Variants in ENTPD7 observed in about 807,000 individuals in gnomAD.
ENTPD7 encodes NTPDase 7.
In ENTPD7, 53 loss-of-function variants were observed where a neutral mutation model predicts 77.9. That is an observed-to-expected ratio of 0.68 (90% CI 0.55 to 0.85). The LOEUF (loss-of-function observed/expected upper bound fraction) is 0.85, where lower values mean the gene tolerates loss of function less well. Among genes scored for constraint, ENTPD7 ranks in the 40% least tolerant of loss-of-function variants. The pLI, the probability that ENTPD7 is intolerant of heterozygous loss-of-function variation, is 0.00. For missense variants in ENTPD7, 636 were observed against 743.7 expected, an observed-to-expected ratio of 0.86 and a Z score of 1.68; for synonymous variants, 248 against 274.9, an observed-to-expected ratio of 0.90 and a Z score of 0.97.
rs1285349222 is a variant in ENTPD7 at position 99,659,990 on chromosome 10, C to A, written c.8+26C>A. ...GTAAGGCTGCACACTTTCCCTCCGG[C>A]TGGGAGCACGGCAGAGGATGGCAGG... On this transcript the variant is annotated intron_variant, in intron 2 of 12. Coordinates refer to ENST00000370489, the MANE Select transcript of ENTPD7 (RefSeq NM_020354.5). This position sits in a 1 kb window ranked among gnomAD's most constrained non-coding sequence, Gnocchi z 4.1. 6.2e-7 allele frequency: 1 copy of A among 1,613,648 alleles called. No homozygotes were observed. Among genetic ancestry groups the A allele is most frequent in the Non-Finnish European group, 8.5e-7 (1 of 1,179,920 alleles).
chr10:99,661,865 T>C (rs1463909832), intron 3 of ENTPD7, among the ~76,000 whole-genome samples: 2 of 152,240 alleles, frequency 1.3e-5, no homozygotes, highest in Non-Finnish European at 2.9e-5. Context: ...CTGAAACTTA[T>C]TGTGTGTATA....
chr10:99,660,959 G>A (rs1427367865), intron 2 of ENTPD7, among the ~76,000 whole-genome samples: 4 of 151,914 alleles, frequency 2.6e-5, no homozygotes, highest in Non-Finnish European at 5.9e-5. Context: ...GGGTAGTAAT[G>A]TTTGCCTCTG....
At chr10:99,702,414 C>T in intron 11 of ENTPD7, 98 bp from the exon 12 acceptor site, 1 of 1,076,866 alleles carries the variant, frequency 9.3e-7, no homozygotes, top group Non-Finnish European at 1.3e-6. Flanking sequence ...GGAGGTAGGT[C>T]TTTTAATAAC....
At chr10:99,660,212 G>T in intron 2 of ENTPD7, 1 of 726,548 alleles carries the variant, frequency 1.4e-6, no homozygotes, top group Non-Finnish European at 1.7e-6. Flanking sequence ...GTGCAAGGTT[G>T]TAACATTGAT....
At chr10:99,688,880 A>T (rs952766735) in intron 7 of ENTPD7, 130 bp downstream of exon 7, 1 of 825,594 alleles carries the variant, frequency 1.2e-6, no homozygotes, top group Non-Finnish European at 2.0e-6. Flanking sequence ...TTCATTTTCC[A>T]GTCCTAATTT....
chr10:99,663,923 G>A (rs1011708176), intron 3 of ENTPD7, among the ~76,000 whole-genome samples: 1 of 152,066 alleles, frequency 6.6e-6, no homozygotes, highest in Non-Finnish European at 1.5e-5. Flanking sequence ...ATTGAACTAT[G>A]TGATGTTTTC....
rs1305232183 is a variant in ENTPD7 at position 99,705,168 on chromosome 10, G to T, written c.*485G>T. 6.2e-6 allele frequency: 1 copy of T among 161,512 alleles called. No individual in the cohort carries two copies. Among genetic ancestry groups the T allele is most frequent in the African/African-American group, 2.4e-5 (1 of 41,536 alleles). The allele number at this position is 161,512 out of a possible 1,614,324, so 10.0% of individuals were successfully genotyped here. On this transcript the variant is annotated 3_prime_UTR_variant, in exon 13 of 13. Coordinates refer to ENST00000370489, the MANE Select transcript of ENTPD7 (RefSeq NM_020354.5). The stretch of plus-strand genomic sequence containing the variant: ...TCCACAACCTTTAACAGGGATCCAA[G>T]ATCTTTGCAGTTCAATCGACCACAT...
At chr10:99,664,643 G>T (rs531106037) in intron 3 of ENTPD7, among the ~76,000 whole-genome samples, 1 of 151,350 alleles carries the variant, frequency 6.6e-6, no homozygotes, top group Non-Finnish European at 1.5e-5. Context: ...TAGAGATGGG[G>T]TTTCACTGTG....
intron 3 of ENTPD7, among the ~76,000 whole-genome samples, chr10:99,668,347 C>T (rs935370140): frequency 6.6e-6 from 1 of 151,102 alleles, no homozygotes; most frequent in African/African-American, 2.4e-5. Context: ...TCTAATATAC[C>T]ACCTGGGTTG....
Position 99,679,351 on chromosome 10 carries a change from T to C in ENTPD7, c.282T>C (p.Gly94=). The C allele has an allele frequency of 6.2e-7, 1 of 1,614,140 alleles. No homozygotes were observed. Among genetic ancestry groups the C allele is most frequent in the Admixed American group, 1.7e-5 (1 of 60,020 alleles). Residue 94 remains glycine, a synonymous_variant, in exon 4 of 13, where the codon GGT becomes GGC. Transcript: ENST00000370489. ...TTGTTGTTGACTGTGGCAGCAGTGGTTCCCGGATTTTTGTTTATTTCTGGC... is the reference window on the plus strand; with the variant it reads ...TTGTTGTTGACTGTGGCAGCAGTGGCTCCCGGATTTTTGTTTATTTCTGGC... ...YGLVVDCGSS[G]SRIFVYFWPR...
chr10:99,667,883 CTG>C, intron 3 of ENTPD7, among the ~76,000 whole-genome samples: 1 of 146,906 alleles, frequency 6.8e-6, no homozygotes, highest in East Asian at 2.0e-4. Context: ...GTTGTTAAAA[CTG>C]TTTTATTACA....
At chr10:99,668,268 C>T (rs1452394070) in intron 3 of ENTPD7, among the ~76,000 whole-genome samples, 1 of 152,078 alleles carries the variant, frequency 6.6e-6, no homozygotes, top group East Asian at 1.9e-4. Flanking sequence ...GGTTTTCAAC[C>T]TTTGTGTATC....
Position 99,698,684 on chromosome 10 carries a change from C to G in ENTPD7, c.1161C>G (p.Ser387Arg), listed in dbSNP as rs773157675. 8.7e-6 allele frequency: 14 copies of G among 1,614,016 alleles called. No homozygotes were observed. The Admixed American group carries it at 1.5e-4, about 17-fold the overall frequency. Reference sequence around the variant, plus strand: ...GGGTGTCTTGTGGGGCAATGCTGAGCCCCCTGCTGGCTCGCTCCAACACCA... The same window carrying G: ...GGGTGTCTTGTGGGGCAATGCTGAGGCCCCTGCTGGCTCGCTCCAACACCA... Reference protein sequence around the residue: ...GDWVSCGAMLSPLLARSNTSQ... With the variant: ...GDWVSCGAMLRPLLARSNTSQ... The change falls in exon 10 of 13, where the codon AGC becomes AGG. Residue 387 changes from serine to arginine, a missense_variant. Physicochemically the swap from Ser to Arg is moderately radical, Grantham distance 110. Around this residue, in one of 3 missense-constraint regions of ENTPD7, gnomAD observed 486 missense variants for 556.5 expected, o/e 0.87. Transcript: ENST00000370489.
chr10:99,689,343 T>G (rs4919383), intron 7 of ENTPD7, among the ~76,000 whole-genome samples: 2 of 152,126 alleles, frequency 1.3e-5, no homozygotes, highest in Non-Finnish European at 1.5e-5. Context: ...ATATGTCTCT[T>G]TAGTCTCTTT....
Position 99,685,907 on chromosome 10 carries a change from TA to T in ENTPD7, c.652+14del. 1 of 1,590,350 alleles carries T rather than the reference TA, an allele frequency of 6.3e-7. No individual in the cohort carries two copies. Among genetic ancestry groups the T allele is most frequent in the African/African-American group, 1.3e-5 (1 of 74,560 alleles). On this transcript the variant is annotated intron_variant, in intron 6 of 12. Transcript: ENST00000370489. Reference sequence around the variant, plus strand: ...TGGGAAGCAGGAAGGTACTGGGCCTTAAGGGGTGCAGCTGGTTAACCTCTAA... The same window carrying T: ...TGGGAAGCAGGAAGGTACTGGGCCTTAGGGGTGCAGCTGGTTAACCTCTAA...
intron 3 of ENTPD7, among the ~76,000 whole-genome samples, chr10:99,670,093 A>G (rs964916273): frequency 6.6e-6 from 1 of 152,152 alleles, no homozygotes; most frequent in African/African-American, 2.4e-5. Flanking sequence ...TGTGCCACAT[A>G]AGACATGCTC....
chr10:99,660,041 TC>T, intron 2 of ENTPD7, 77 bp downstream of exon 2: 1 of 1,607,662 alleles, frequency 6.2e-7, no homozygotes, highest in Non-Finnish European at 8.5e-7. Flanking sequence ...TGGGAGGCTG[TC>T]CCAAGTGAGG....
chr10:99,671,227 A>G (rs115226489), intron 3 of ENTPD7, among the ~76,000 whole-genome samples: 2,108 of 152,072 alleles, frequency 0.014, 54 homozygotes, highest in African/African-American at 0.048. Context: ...TCTTTCTTCA[A>G]TAATAAATTA....
At chr10:99,663,408 G>A (rs906245990) in intron 3 of ENTPD7, among the ~76,000 whole-genome samples, 1 of 148,772 alleles carries the variant, frequency 6.7e-6, no homozygotes, top group African/African-American at 2.5e-5. Flanking sequence ...TTTATCACTG[G>A]TTTTAAGCAA....
Sources: gnomAD v4.1 joint callset for allele counts (sites outside exome capture counted in the v4.1 genomes callset) on GRCh38, gnomAD v4.1.1 for gene constraint, gnomAD v4.1.1 regional missense constraint, Gnocchi (gnomAD v3.1) non-coding constraint, MANE v1.5 for transcripts, NCBI Gene and HGNC (gene_info 2026-07-23, HGNC 2026-07-21) for gene names.